Variants in STARD13 observed in about 807,000 individuals in gnomAD.
STARD13 encodes the protein StAR related lipid transfer domain containing 13.
In STARD13, 62 loss-of-function variants were observed where a neutral mutation model predicts 106.4. That is an observed-to-expected ratio of 0.58 (90% confidence interval 0.48 to 0.72). The LOEUF (loss-of-function observed/expected upper bound fraction) is 0.72, where lower values mean the gene tolerates loss of function less well. STARD13 is among the 30% of genes least tolerant of loss of function. The probability of loss-of-function intolerance (pLI) is 0.00; values close to 1 mark genes in which losing one functional copy is unlikely to be tolerated. For missense variants in STARD13, 1,387 were observed against 1,424.0 expected, an observed-to-expected ratio of 0.97 and a Z score of 0.42; for synonymous variants, 565 against 553.0, an observed-to-expected ratio of 1.02 and a Z score of -0.31.
the STARD13 span, among the ~76,000 whole-genome samples, chr13:33,528,252 A>ATATATG: frequency 7.8e-6 from 1 of 128,994 alleles, no homozygotes; most frequent in African/African-American, 3.6e-5. Flanking sequence ...ACATATATAT[A>ATATATG]TATACATATA....
At chr13:33,450,054 T>C in the STARD13 span, among the ~76,000 whole-genome samples, 6 of 152,164 alleles carry the variant, frequency 3.9e-5, no homozygotes, top group Non-Finnish European at 7.4e-5. Flanking sequence ...TTTCTACTCT[T>C]CCCATTTAGA....
At chr13:33,174,610 C>T (rs1884319813) in intron 1 of STARD13, among the ~76,000 whole-genome samples, 2 of 152,198 alleles carry the variant, frequency 1.3e-5, no homozygotes, top group Non-Finnish European at 2.9e-5. Flanking sequence ...AAACAGCAGA[C>T]CAGCTGCTGA....
At chr13:33,552,661 C>T in the STARD13 span, among the ~76,000 whole-genome samples, 1 of 152,098 alleles carries the variant, frequency 6.6e-6, no homozygotes, top group African/African-American at 2.4e-5. Context: ...AGCAACAAAA[C>T]TTTAAGAATA....
chr13:33,452,089 G>T, the STARD13 span, among the ~76,000 whole-genome samples: 2 of 152,184 alleles, frequency 1.3e-5, no homozygotes, highest in Non-Finnish European at 2.9e-5. Context: ...GAGATCAGGA[G>T]ATCTCAGTAT....
chr13:33,594,184 C>G, the STARD13 span, among the ~76,000 whole-genome samples: 3 of 152,272 alleles, frequency 2.0e-5, no homozygotes, highest in East Asian at 5.8e-4. Flanking sequence ...GGATTACAGG[C>G]ATGCCAATGA....
chr13:33,654,216 C>G, the STARD13 span, among the ~76,000 whole-genome samples: 1 of 151,988 alleles, frequency 6.6e-6, no homozygotes, highest in Non-Finnish European at 1.5e-5. Flanking sequence ...TTATAATAGC[C>G]CAAAGAGTAA....
chr13:33,468,055 C>A, the STARD13 span, among the ~76,000 whole-genome samples: 2 of 152,164 alleles, frequency 1.3e-5, no homozygotes, highest in Non-Finnish European at 2.9e-5. Flanking sequence ...ACCATTAGTT[C>A]TATGTGAATG....
chr13:33,443,053 GTTC>G, the STARD13 span, among the ~76,000 whole-genome samples: 5 of 152,104 alleles, frequency 3.3e-5, no homozygotes, highest in African/African-American at 4.8e-5. Context: ...CAATCTGAAT[GTTC>G]TTAATACCAC....
intron 1 of STARD13, among the ~76,000 whole-genome samples, chr13:33,186,911 C>T (rs1885820200): frequency 6.6e-6 from 1 of 152,154 alleles, no homozygotes; most frequent in South Asian, 2.1e-4. Flanking sequence ...CCTAGGCTTG[C>T]AAAGAAAATG....
rs58299854 is a variant in STARD13, at chr13:33,191,132, C to T, written c.170-23510G>A. 8.7e-3 allele frequency among the ~76,000 whole-genome samples: 1,330 copies of T among 152,234 alleles called. 20 individuals are homozygous for T. The highest frequency in any genetic ancestry group is 0.03 in the African/African-American group (1,248 of 41,538). On this transcript the variant is annotated intron_variant, in intron 1 of 13. Coordinates refer to ENST00000336934, the MANE Select transcript of STARD13 (RefSeq NM_178006.4). ...AAGGTCATGTCAAAAACTATATACG[C>T]GGTTTTCAGCTTTTTAAGTGTATTT...
the STARD13 span, among the ~76,000 whole-genome samples, chr13:33,471,894 G>GA: frequency 6.6e-6 from 1 of 152,058 alleles, no homozygotes; most frequent in Non-Finnish European, 1.5e-5. Context: ...TATGTAGGAA[G>GA]AATATTCTTT....
the STARD13 span, among the ~76,000 whole-genome samples, chr13:33,550,166 G>A: frequency 2.8e-4 from 42 of 152,180 alleles, no homozygotes; most frequent in African/African-American, 9.4e-4. Flanking sequence ...TCTTGCAGTC[G>A]TTAATCATTC....
chr13:33,144,906 A>AAC lies in STARD13; in HGVS notation c.324-2534_324-2533insGT, dbSNP rs1457127471. ...TGGAAAAGCTTTTGATCTACGACAC[A>AAC]CACACAAGACATCAAAGGAATCATC... On this transcript the variant is annotated intron_variant, in intron 3 of 13. Transcript: ENST00000336934. Among the ~76,000 whole-genome samples the AAC allele has an allele frequency of 3.9e-5, 6 of 152,332 alleles. No individual in the cohort carries two copies. The East Asian group carries it at 1.2e-3, about 29-fold the overall frequency.
the STARD13 span, among the ~76,000 whole-genome samples, chr13:33,400,581 C>CT: frequency 6.6e-6 from 1 of 152,126 alleles, no homozygotes; most frequent in Non-Finnish European, 1.5e-5. Context: ...CCACCTCAGC[C>CT]TCCCGGGTTG....
chr13:33,200,797 A>G (rs9563215), intron 1 of STARD13, among the ~76,000 whole-genome samples: 31,516 of 151,778 alleles, frequency 0.21, 3,403 homozygotes, highest in East Asian at 0.37. Context: ...CAAGGTGGGC[A>G]GATCACGAGG....
Position 33,130,143 on chromosome 13 carries a change from C to T in STARD13, c.534G>A (p.Arg178=), listed in dbSNP as rs1160615299. 1.2e-6 allele frequency: 2 copies of T among 1,614,130 alleles called. No individual in the cohort carries two copies. The highest frequency in any genetic ancestry group is 1.7e-6 in the Non-Finnish European group (2 of 1,180,028). Residue 178 remains arginine, a synonymous_variant, in exon 5 of 14, where the codon AGG becomes AGA. Coordinates refer to ENST00000336934, the MANE Select transcript of STARD13 (RefSeq NM_178006.4). The surrounding 1 kb of genome is among the most constrained non-coding windows in gnomAD (Gnocchi z 4.1). ...RNGSPGGTGM[R]NTTSSESVLT... ...GGACGCTCTCACTGCTGGTCGTGTT[C>T]CTCATCCCCGTGCCTCCCGGTGACC...
At chr13:33,308,443 A>G (rs1175183558) in intron 1 of STARD13, among the ~76,000 whole-genome samples, 1 of 150,500 alleles carries the variant, frequency 6.6e-6, no homozygotes, top group Non-Finnish European at 1.5e-5. Flanking sequence ...GATAAACTTG[A>G]GCCCCACTAA....
At chr13:33,387,074 T>C in the STARD13 span, among the ~76,000 whole-genome samples, 1 of 152,206 alleles carries the variant, frequency 6.6e-6, no homozygotes, top group Non-Finnish European at 1.5e-5. Flanking sequence ...AGTGCAACTA[T>C]AGCTCACTGC....
intron 1 of STARD13, among the ~76,000 whole-genome samples, chr13:33,329,288 A>G (rs2077810488): frequency 6.6e-6 from 1 of 152,162 alleles, no homozygotes; most frequent in Non-Finnish European, 1.5e-5. Flanking sequence ...AGTTTTTATG[A>G]CATATAAAAA....
Sources: allele counts gnomAD v4.1 joint callset (sites outside exome capture counted in the v4.1 genomes callset), GRCh38; gene constraint gnomAD v4.1.1; non-coding constraint Gnocchi (gnomAD v3.1); transcripts MANE v1.5; gene names NCBI Gene and HGNC (gene_info 2026-07-23, HGNC 2026-07-21).